The following CCDC88A variants were observed in gnomAD, a reference collection of about 807,000 sequenced individuals.
CCDC88A encodes girdin.
CCDC88A carries 54 observed loss-of-function variants against 234.3 expected under a neutral mutation model. The observed-to-expected ratio is 0.23, with a 90% CI of 0.19 to 0.29. The LOEUF (loss-of-function observed/expected upper bound fraction) is 0.29, where lower values mean the gene tolerates loss of function less well. Ranked by LOEUF, CCDC88A falls within the 10% of genes least tolerant of loss-of-function variation. The pLI is 1.00. For missense variants in CCDC88A, 1,832 were observed against 2,123.4 expected (o/e 0.86, Z 2.70); for synonymous variants, 753 against 737.8 (o/e 1.02, Z -0.33).
Position 55,339,589 on chromosome 2 carries a change from G to C in CCDC88A, c.1393C>G (p.Leu465Val). The change falls in exon 13 of 33, where the codon CTA becomes GTA. Residue 465 changes from leucine (L) to valine (V), a missense_variant. Physicochemically the swap from Leu to Val is conservative, Grantham distance 32. Transcript: ENST00000436346. ...NELTSSRLLK[L>V]EMENQSLTKT... Reference sequence around the variant, plus strand: ...GTCAAACTTTGATTTTCCATCTCTAGCTTCAATAATCTACTTGATGTCAAC... The same window carrying C: ...GTCAAACTTTGATTTTCCATCTCTACCTTCAATAATCTACTTGATGTCAAC... 1.2e-6 allele frequency: 2 copies of C among 1,613,664 alleles called. No homozygotes were observed. The highest frequency in any genetic ancestry group is 2.2e-5 in the East Asian group (1 of 44,820).
intron 12 of CCDC88A, among the ~76,000 whole-genome samples, chr2:55,342,678 G>C (rs946992583): frequency 6.6e-6 from 1 of 152,002 alleles, no homozygotes; most frequent in Non-Finnish European, 1.5e-5. Context: ...CAGTACATGG[G>C]GCCCCAGAAT....
chr2:55,338,209 A>C (rs549635525), intron 13 of CCDC88A, among the ~76,000 whole-genome samples: 15 of 152,338 alleles, frequency 9.8e-5, no homozygotes, highest in Non-Finnish European at 2.9e-5. Context: ...AAACTGTTCT[A>C]AATTCTAAAT....
intron 8 of CCDC88A, among the ~76,000 whole-genome samples, chr2:55,351,715 T>C (rs1330863304): frequency 6.6e-6 from 1 of 152,236 alleles, no homozygotes; most frequent in Non-Finnish European, 1.5e-5. Context: ...ATGTTGGCCA[T>C]TCATCTGTTA....
intron 5 of CCDC88A, among the ~76,000 whole-genome samples, chr2:55,370,582 A>C (rs1407448050): frequency 1.4e-5 from 2 of 144,954 alleles, no homozygotes; most frequent in Admixed American, 7.1e-5. Context: ...CAGAGGTTGC[A>C]GTGAGCCAAG....
Position 55,355,061 on chromosome 2 carries a change from TGTC to T in CCDC88A, c.800+515_800+517del, listed in dbSNP as rs1235141495. 2.0e-5 allele frequency among the ~76,000 whole-genome samples: 3 copies of T among 150,984 alleles called. No individual in the cohort carries two copies. In the Admixed American group the frequency reaches 2.0e-4, roughly 10 times the overall value. Reference sequence around the variant, plus strand: ...ATATGTGGTCCATTGTTAACTGAAATGTCGTTATGTGGCACATGACTGTATTTA... The same window carrying T: ...ATATGTGGTCCATTGTTAACTGAAATGTTATGTGGCACATGACTGTATTTA... On this transcript the variant is annotated intron_variant, in intron 8 of 32. Coordinates refer to ENST00000436346, the MANE Select transcript of CCDC88A (RefSeq NM_001365480.1).
chr2:55,410,777 T>C (rs1374713719), intron 2 of CCDC88A, among the ~76,000 whole-genome samples: 2 of 151,872 alleles, frequency 1.3e-5, no homozygotes, highest in South Asian at 2.1e-4. Context: ...GTAGTAGTCC[T>C]AGCTACTCAG....
intron 10 of CCDC88A, among the ~76,000 whole-genome samples, chr2:55,344,904 G>A (rs1323705791): frequency 6.6e-6 from 1 of 152,130 alleles, no homozygotes; most frequent in Non-Finnish European, 1.5e-5. Flanking sequence ...CTATAACTTG[G>A]AAGTGAAGGG....
intron 12 of CCDC88A, among the ~76,000 whole-genome samples, chr2:55,340,981 G>A (rs1016398054): frequency 6.6e-5 from 10 of 151,812 alleles, no homozygotes; most frequent in African/African-American, 2.2e-4. Context: ...TCAGCCTCTG[G>A]TAACAACCAT....
chr2:55,407,777 G>A (rs1679844287), intron 2 of CCDC88A, among the ~76,000 whole-genome samples: 1 of 147,828 alleles, frequency 6.8e-6, no homozygotes, highest in Non-Finnish European at 1.5e-5. Flanking sequence ...TAGTGCAGTG[G>A]CATGATCTCA....
intron 12 of CCDC88A, among the ~76,000 whole-genome samples, chr2:55,340,832 G>A (rs1668379859): frequency 6.6e-6 from 1 of 152,020 alleles, no homozygotes; most frequent in African/African-American, 2.4e-5. Context: ...TATTCCCTAA[G>A]AGTAGCATTA....
rs752099398 is a variant in CCDC88A, at chr2:55,344,531, C to T, written c.1042-17G>A. 1.7e-5 allele frequency: 24 copies of T among 1,384,004 alleles called. No individual in the cohort carries two copies. The East Asian group carries it at 3.1e-4, about 18-fold the overall frequency. The allele number at this position is 1,384,004 out of a possible 1,614,324, so 85.7% of individuals were successfully genotyped here. On this transcript the variant is annotated splice_polypyrimidine_tract_variant and intron_variant, in intron 10 of 32. Transcript: ENST00000436346. ...TTTTAATTCCTATAAATGTTTATCA[C>T]AAATGTGTTAATATCTGTTAATTTT... is the stretch of plus-strand genomic sequence containing the variant.
intron 16 of CCDC88A, among the ~76,000 whole-genome samples, chr2:55,331,544 A>G (rs1327198978): frequency 6.6e-6 from 1 of 152,200 alleles, no homozygotes; most frequent in Non-Finnish European, 1.5e-5. Context: ...TATAAATTAT[A>G]TAATTACAAA....
chr2:55,388,628 T>C, intron 3 of CCDC88A, 150 bp downstream of exon 3: 1 of 422,012 alleles, frequency 2.4e-6, no homozygotes, highest in Non-Finnish European at 4.3e-6. Flanking sequence ...TCATAAAAAA[T>C]AAACTATCTT....
rs549772632 is a variant in CCDC88A, at chr2:55,326,823, G to A, written c.2997+1471C>T. Among the ~76,000 whole-genome samples, 15 of 151,896 alleles carry A rather than the reference G, an allele frequency of 9.9e-5. No individual in the cohort carries two copies. The South Asian group carries it at 1.7e-3, about 17-fold the overall frequency. On this transcript the variant is annotated intron_variant, in intron 17 of 32. Transcript: ENST00000436346. ...CAACCTAAAAAGATCTGCCTGCCTC[G>A]GCCTCCCAAAGTGCTGGGATTACAG...
chr2:55,393,798 T>C (rs966084449), intron 2 of CCDC88A, among the ~76,000 whole-genome samples: 2 of 152,176 alleles, frequency 1.3e-5, no homozygotes, highest in Admixed American at 1.3e-4. Flanking sequence ...ACAGCAGATA[T>C]CCTTCTCTTG....
At chr2:55,404,105 C>T (rs1226816550) in intron 2 of CCDC88A, 1 of 152,140 alleles carries the variant, frequency 6.6e-6, no homozygotes, top group Admixed American at 6.6e-5. Flanking sequence ...ATCTGTACTC[C>T]CCTCCTAAGG....
intron 31 of CCDC88A, chr2:55,292,511 T>A (rs1234176224): frequency 6.6e-6 from 1 of 152,172 alleles, no homozygotes; most frequent in East Asian, 1.9e-4. Flanking sequence ...TTGGGACACA[T>A]CGGTTCCATA....
intron 29 of CCDC88A, 28 bp downstream of exon 29, chr2:55,299,811 C>A: frequency 7.0e-7 from 1 of 1,419,560 alleles, no homozygotes; most frequent in East Asian, 2.3e-5. Context: ...ATGGATAGAG[C>A]GCATTAATAA....
At chr2:55,363,862 C>A in intron 6 of CCDC88A, 88 bp downstream of exon 6, 1 of 650,780 alleles carries the variant, frequency 1.5e-6, no homozygotes, top group South Asian at 2.1e-5. Context: ...CTTGCTTATT[C>A]TATGACTTTG....
Sources: allele counts gnomAD v4.1 joint callset (sites outside exome capture counted in the v4.1 genomes callset), GRCh38; gene constraint gnomAD v4.1.1; transcripts MANE v1.5; gene names NCBI Gene and HGNC (gene_info 2026-07-23, HGNC 2026-07-21).